MAPK10: variants seen among roughly 807,000 people sequenced by gnomAD.
The protein encoded by MAPK10 is JNK3 alpha protein kinase.
Under a neutral mutation model 59.3 loss-of-function variants are expected in MAPK10, and 25 were observed. The observed-to-expected ratio is 0.42, with a 90% CI of 0.31 to 0.59. MAPK10 has a LOEUF of 0.59. Among genes scored for constraint, MAPK10 ranks in the 20% least tolerant of loss-of-function variants. The pLI is 0.15. For synonymous variants in MAPK10, 190 were observed against 200.5 expected, an observed-to-expected ratio of 0.95 and a Z score of 0.44; for missense variants, 351 against 568.9, an observed-to-expected ratio of 0.62 and a Z score of 3.90.
chr4:86,553,051 G>A (rs1247743686), intron 1 of MAPK10, among the ~76,000 whole-genome samples: 8 of 152,130 alleles, frequency 5.3e-5, no homozygotes, highest in Admixed American at 3.3e-4. Flanking sequence ...TAAAACCGTG[G>A]CAGCTTACTT....
rs72868861 is a variant in MAPK10 at position 86,483,233 on chromosome 4, C to T, written c.-263+110677G>A. 1.3e-3 allele frequency among the ~76,000 whole-genome samples: 200 copies of T among 152,238 alleles called. 1 individual carries two copies. The highest frequency in any genetic ancestry group is 4.6e-3 in the African/African-American group (193 of 41,558). On this transcript the variant is annotated intron_variant, in intron 1 of 4. Transcript: ENST00000502302. ...GATTGTCATGTTTATTTCTTTATGT[C>T]TTTTCTGCAGAATCCTCACCGATTC...
chr4:86,484,873 G>A (rs1753871325), intron 1 of MAPK10, among the ~76,000 whole-genome samples: 1 of 152,174 alleles, frequency 6.6e-6, no homozygotes, highest in Non-Finnish European at 1.5e-5. Flanking sequence ...CCGGTCTCTT[G>A]TGTACTACAG....
At chr4:86,018,172 A>T (rs1647136611) in intron 13 of MAPK10, among the ~76,000 whole-genome samples, 1 of 152,222 alleles carries the variant, frequency 6.6e-6, no homozygotes, top group African/African-American at 2.4e-5. Context: ...AAACAAACAT[A>T]TGCAAGGGTC....
At chr4:86,139,748 A>C (rs57376960) in intron 4 of MAPK10, among the ~76,000 whole-genome samples, 122,228 of 151,546 alleles carry the variant, frequency 0.81, 49,486 homozygotes, top group East Asian at 0.89. Context: ...AGCAGGCAAC[A>C]TACAAAATGG....
chr4:86,552,887 G>A (rs1166279863), intron 1 of MAPK10, among the ~76,000 whole-genome samples: 3 of 152,074 alleles, frequency 2.0e-5, no homozygotes, highest in South Asian at 2.1e-4. Flanking sequence ...CCCACTGCAC[G>A]TGCAGCTTTC....
intron 2 of MAPK10, among the ~76,000 whole-genome samples, chr4:86,261,273 T>G (rs1314175172): frequency 6.6e-6 from 1 of 152,236 alleles, no homozygotes; most frequent in African/African-American, 2.4e-5. Context: ...ATGATACTGT[T>G]GAATCACTTT....
chr4:86,419,377 A>G (rs1354779264), intron 1 of MAPK10, among the ~76,000 whole-genome samples: 1 of 152,158 alleles, frequency 6.6e-6, no homozygotes, highest in Non-Finnish European at 1.5e-5. Context: ...ATACATATCT[A>G]ACAATTTATC....
chr4:86,115,247 CG>C (rs2058124378), intron 4 of MAPK10, among the ~76,000 whole-genome samples: 1 of 152,126 alleles, frequency 6.6e-6, no homozygotes, highest in African/African-American at 2.4e-5. Context: ...GTTTCCCAGG[CG>C]GGGCAGCGCA....
At chr4:86,459,470 A>G (rs1751530157) in intron 1 of MAPK10, among the ~76,000 whole-genome samples, 1 of 152,236 alleles carries the variant, frequency 6.6e-6, no homozygotes, top group Admixed American at 6.5e-5. Flanking sequence ...TAGCAGCACA[A>G]TTTGCAATTG....
At chr4:86,335,623 T>TG (rs1004463428) in intron 2 of MAPK10, among the ~76,000 whole-genome samples, 36 of 152,134 alleles carry the variant, frequency 2.4e-4, no homozygotes, top group African/African-American at 8.0e-4. Context: ...GTTTTTTTTT[T>TG]CACACTGCTA....
intron 2 of MAPK10, among the ~76,000 whole-genome samples, chr4:86,210,460 A>G (rs945521111): frequency 5.9e-5 from 9 of 152,042 alleles, no homozygotes; most frequent in Non-Finnish European, 1.3e-4. Context: ...ATAATAATTT[A>G]ATGTTCAATA....
rs1564842066 is a variant in MAPK10 at position 86,423,760 on chromosome 4, GA to G, written c.-122+29269del. On this transcript the variant is annotated intron_variant, in intron 1 of 13. Coordinates refer to the MAPK10 transcript ENST00000361569. ...AGGGCTGCATATAAGTAATTAGTGG[GA>G]TATATATACATATATATATATATAT... 7.6e-3 allele frequency among the ~76,000 whole-genome samples: 892 copies of G among 117,150 alleles called. 19 individuals carry two copies. The highest frequency in any genetic ancestry group is 0.028 in the African/African-American group (798 of 28,708). 76.9% of individuals were successfully genotyped at this position (117,150 alleles called of 152,430 possible). A position where few individuals can be genotyped will look rare whatever the true frequency, so the allele number is the denominator to read the frequency against.
At chr4:86,480,960 C>A (rs1753561663) in intron 1 of MAPK10, among the ~76,000 whole-genome samples, 1 of 152,184 alleles carries the variant, frequency 6.6e-6, no homozygotes, top group Non-Finnish European at 1.5e-5. Flanking sequence ...CACAATGAGG[C>A]AGGAAAACCA....
chr4:86,342,406 T>C (rs1725528669), intron 2 of MAPK10, among the ~76,000 whole-genome samples: 1 of 152,204 alleles, frequency 6.6e-6, no homozygotes, highest in Non-Finnish European at 1.5e-5. Flanking sequence ...ATCACTTTAC[T>C]ATTATTAACA....
intron 1 of MAPK10, chr4:86,358,281 A>G: frequency 1.0e-6 from 1 of 985,438 alleles, no homozygotes; most frequent in Non-Finnish European, 1.2e-6. Context: ...TATGTTGATA[A>G]GCATTCTGTG....
rs538523713 is a variant in MAPK10 at position 86,301,286 on chromosome 4, A to C, written c.-7+53244T>G. Among the ~76,000 whole-genome samples the C allele has an allele frequency of 1.3e-4, 20 of 152,078 alleles. No individual in the cohort carries two copies. In the South Asian group the frequency reaches 4.2e-3, roughly 32 times the overall value. ...TGGAAATGTTTTCCTAAAATTACTA[A>C]TGGGAACTTTCACTGTGAAGAAGAC... is the stretch of plus-strand genomic sequence containing the variant. On this transcript the variant is annotated intron_variant, in intron 2 of 13. Coordinates refer to ENST00000641462, the MANE Select transcript of MAPK10 (RefSeq NM_138982.4).
At chr4:86,282,863 C>T (rs772406247) in intron 2 of MAPK10, among the ~76,000 whole-genome samples, 6 of 152,032 alleles carry the variant, frequency 3.9e-5, no homozygotes, top group Non-Finnish European at 8.8e-5. Context: ...GCACATGCTC[C>T]GTGATGTAAT....
intron 3 of MAPK10, among the ~76,000 whole-genome samples, chr4:86,181,931 C>T (rs966705121): frequency 1.5e-4 from 23 of 152,062 alleles, no homozygotes; most frequent in Non-Finnish European, 3.1e-4. Flanking sequence ...AAAAAGAACA[C>T]TTTCATGAGT....
intron 11 of MAPK10, among the ~76,000 whole-genome samples, chr4:86,042,007 A>T (rs1437665160): frequency 6.6e-6 from 1 of 152,374 alleles, no homozygotes; most frequent in East Asian, 1.9e-4. Context: ...TTCTAAAGAC[A>T]CATGCACACA....
Sources: gnomAD v4.1 joint callset for allele counts (sites outside exome capture counted in the v4.1 genomes callset) on GRCh38, gnomAD v4.1.1 for gene constraint, MANE v1.5 for transcripts, NCBI Gene and HGNC (gene_info 2026-07-23, HGNC 2026-07-21) for gene names.